Variants in LSM1 observed in about 807,000 individuals in gnomAD.
LSM1 encodes LSM1 homolog, mRNA degradation associated, also known as U6 snRNA-associated Sm-like protein LSm1.
In LSM1, 13 loss-of-function variants were observed where a neutral mutation model predicts 18.0. The observed-to-expected ratio is 0.72, with a 90% CI of 0.47 to 1.15. LSM1 has a LOEUF of 1.15. LSM1 is among the 50% of genes most tolerant of loss of function. LSM1 has a pLI of 0.00. For missense variants in LSM1, 152 were observed against 157.7 expected (o/e 0.96, Z 0.19); for synonymous variants, 46 against 56.0 (o/e 0.82, Z 0.80).
chr8:38,172,056 T>A (rs1170223190), intron 1 of LSM1, 23 bp from the exon 2 acceptor site: 2 of 1,567,180 alleles, frequency 1.3e-6, no homozygotes, highest in Admixed American at 3.5e-5. Flanking sequence ...GAAAAAATCT[T>A]TTAAATGAAA....
At chr8:38,165,491 T>C (rs1802913414) in intron 3 of LSM1, among the ~76,000 whole-genome samples, 1 of 151,920 alleles carries the variant, frequency 6.6e-6, no homozygotes, top group African/African-American at 2.4e-5. Flanking sequence ...GATTAACATT[T>C]TGATAATATC....
intron 2 of LSM1, 49 bp from the exon 3 acceptor site, chr8:38,169,966 G>A (rs779984212): frequency 8.1e-6 from 7 of 864,908 alleles, no homozygotes; most frequent in South Asian, 7.2e-5. Flanking sequence ...AAACTACTGG[G>A]TAAAGGCCCA....
intron 2 of LSM1, chr8:38,171,004 A>G (rs1381919604): frequency 2.3e-6 from 1 of 440,272 alleles, no homozygotes; most frequent in Non-Finnish European, 4.6e-6. Context: ...TAGCATGAAC[A>G]TGAAGTTCCT....
rs763669019 is a variant in LSM1, at chr8:38,163,820, G to A, written c.252C>T (p.Asp84=). The change falls in exon 4 of 4, where the codon GAC becomes GAT. Residue 84 remains aspartate, a synonymous_variant. Transcript: ENST00000311351. ...LGEIDLEKES[D]TPLQQVSIEE... Reference sequence around the variant, plus strand: ...CAATGGATACTTGCTGGAGGGGTGTGTCACTCTCCTTTTCCAAGTCCTACA... The same window carrying A: ...CAATGGATACTTGCTGGAGGGGTGTATCACTCTCCTTTTCCAAGTCCTACA... 1.2e-6 allele frequency: 2 copies of A among 1,614,092 alleles called. No homozygotes were observed. Among genetic ancestry groups the A allele is most frequent in the African/African-American group, 1.3e-5 (1 of 75,032 alleles).
chr8:38,171,066 A>C (rs1427063560), intron 2 of LSM1: 3 of 405,278 alleles, frequency 7.4e-6, no homozygotes, highest in African/African-American at 6.2e-5. Flanking sequence ...CAGGATGCGA[A>C]ACAAAGACAG....
Position 38,176,419 on chromosome 8 carries a change from C to T in LSM1, c.-99G>A, listed in dbSNP as rs985435373. 5 of 942,768 alleles carry T rather than the reference C, an allele frequency of 5.3e-6. No homozygotes were observed. The African/African-American group carries it at 8.0e-5, about 15-fold the overall frequency. The allele number at this position is 942,768 out of a possible 1,614,324, so 58.4% of individuals were successfully genotyped here. On this transcript the variant is annotated 5_prime_UTR_variant, in exon 1 of 4. Transcript: ENST00000311351. The stretch of plus-strand genomic sequence containing the variant: ...AGTCGCCGCCTCGGTGGGACCAAGC[C>T]CGGAATCCCGACCGAGACCAGCACT...
In LSM1 at chr8:38,163,566, C is replaced by T; in HGVS notation, c.*104G>A. The T allele has an allele frequency of 2.0e-6, 2 of 1,007,838 alleles. No individual in the cohort carries two copies. Among genetic ancestry groups the T allele is most frequent in the Non-Finnish European group, 2.9e-6 (2 of 699,294 alleles). 62.4% of individuals were successfully genotyped at this position (1,007,838 alleles called of 1,614,324 possible). On this transcript the variant is annotated 3_prime_UTR_variant, in exon 4 of 4. Coordinates refer to ENST00000311351, the MANE Select transcript of LSM1 (RefSeq NM_014462.3). ...ATAATTAAAAATAAAAGTGACTTTTCAAAACTCTACAGTCTGTGATCAAAT... is the reference window on the plus strand; with the variant it reads ...ATAATTAAAAATAAAAGTGACTTTTTAAAACTCTACAGTCTGTGATCAAAT...
intron 3 of LSM1, among the ~76,000 whole-genome samples, chr8:38,166,418 C>T (rs1447167369): frequency 6.6e-6 from 1 of 152,206 alleles, no homozygotes; most frequent in South Asian, 2.1e-4. Context: ...TAAACATTTG[C>T]TAACCAATGT....
At chr8:38,170,887 G>A (rs1239980195) in intron 2 of LSM1, 2 of 282,248 alleles carry the variant, frequency 7.1e-6, no homozygotes, top group South Asian at 3.0e-5. Flanking sequence ...CCTATTTGAA[G>A]TAAAGGAGAA....
intron 1 of LSM1, among the ~76,000 whole-genome samples, chr8:38,174,254 A>G (rs975724273): frequency 7.9e-5 from 12 of 152,152 alleles, no homozygotes; most frequent in Non-Finnish European, 1.5e-5. Context: ...ACAGTAACAC[A>G]TGAGGGGAAG....
At chr8:38,164,501 ATG>A (rs1171896062) in intron 3 of LSM1, among the ~76,000 whole-genome samples, 1 of 151,204 alleles carries the variant, frequency 6.6e-6, no homozygotes, top group Non-Finnish European at 1.5e-5. Context: ...TATTGAGGCA[ATG>A]TGGCCTTAGA....
chr8:38,166,850 C>T (rs1188208107), intron 3 of LSM1, among the ~76,000 whole-genome samples: 3 of 152,226 alleles, frequency 2.0e-5, no homozygotes, highest in African/African-American at 4.8e-5. Context: ...ACAGTGTTCT[C>T]GGCCTAATGC....
At chr8:38,172,626 A>T (rs1341690971) in intron 1 of LSM1, among the ~76,000 whole-genome samples, 1 of 152,004 alleles carries the variant, frequency 6.6e-6, no homozygotes, top group Non-Finnish European at 1.5e-5. Flanking sequence ...CTAGCCAAAG[A>T]CCCTTATGTT....
At chr8:38,168,283 CAAG>C (rs1478353669) in intron 3 of LSM1, among the ~76,000 whole-genome samples, 1 of 150,372 alleles carries the variant, frequency 6.7e-6, no homozygotes, top group African/African-American at 2.4e-5. Flanking sequence ...TTATGCGACA[CAAG>C]AAGATAACAA....
chr8:38,171,017 A>G, intron 2 of LSM1: 1 of 433,718 alleles, frequency 2.3e-6, no homozygotes, highest in Non-Finnish European at 4.7e-6. Context: ...AAGTTCCTTG[A>G]AACAGAAGGA....
At chr8:38,167,323 T>C (rs745569563) in intron 3 of LSM1, among the ~76,000 whole-genome samples, 3 of 152,258 alleles carry the variant, frequency 2.0e-5, no homozygotes, top group Non-Finnish European at 4.4e-5. Flanking sequence ...CTATGTTTAC[T>C]ACTATAAAAC....
rs186732018 is a variant in LSM1 at position 38,165,310 on chromosome 8, G to A, written c.232-1470C>T. Among the ~76,000 whole-genome samples, 86 of 150,068 alleles carry A rather than the reference G, an allele frequency of 5.7e-4. 1 individual carries two copies. Among genetic ancestry groups the A allele is most frequent in the African/African-American group, 1.6e-3 (64 of 40,806 alleles). The stretch of plus-strand genomic sequence containing the variant: ...GGAGGTTGCAGTGAGCGGAGATCAC[G>A]CCATTGCACTCTAGCCTGGGTGACA... On this transcript the variant is annotated intron_variant, in intron 3 of 3. Coordinates refer to ENST00000311351, the MANE Select transcript of LSM1 (RefSeq NM_014462.3).
chr8:38,169,701 T>G, intron 3 of LSM1, 101 bp downstream of exon 3: 1 of 674,798 alleles, frequency 1.5e-6, no homozygotes, highest in Non-Finnish European at 2.5e-6. Context: ...AGAAGCCAGA[T>G]AAATGTGGAG....
At chr8:38,174,640 G>C (rs59911155) in intron 1 of LSM1, among the ~76,000 whole-genome samples, 4 of 151,968 alleles carry the variant, frequency 2.6e-5, no homozygotes, top group African/African-American at 7.3e-5. Context: ...CCTGTTACAC[G>C]TAACAGGTTC....
Sources: gnomAD v4.1 joint callset for allele counts (sites outside exome capture counted in the v4.1 genomes callset) on GRCh38, gnomAD v4.1.1 for gene constraint, MANE v1.5 for transcripts, NCBI Gene and HGNC (gene_info 2026-07-23, HGNC 2026-07-21) for gene names.